Variants in AGMO observed in about 807,000 individuals in gnomAD.
AGMO encodes the protein alkylglycerol monooxygenase, also known as glyceryl-ether monooxygenase.
In AGMO, 75 loss-of-function variants were observed where a neutral mutation model predicts 60.2. The ratio of observed to expected loss-of-function variants is 1.25; its 90% confidence interval spans 1.03 to 1.51. The LOEUF is 1.51. Among genes scored for constraint, AGMO ranks in the 40% most tolerant of loss-of-function variants. The probability of loss-of-function intolerance (pLI) is 0.00; values close to 1 mark genes in which losing one functional copy is unlikely to be tolerated. For synonymous variants in AGMO, 261 were observed against 177.1 expected, an observed-to-expected ratio of 1.47 and a Z score of -3.76; for missense variants, 763 against 525.5, an observed-to-expected ratio of 1.45 and a Z score of -4.42.
intron 12 of AGMO, among the ~76,000 whole-genome samples, chr7:15,255,097 C>A (rs968502890): frequency 3.3e-5 from 5 of 152,156 alleles, no homozygotes; most frequent in African/African-American, 1.2e-4. Flanking sequence ...TCTCAGCAAA[C>A]TATCACAAGA....
chr7:15,511,870 G>A (rs1783682520), intron 3 of AGMO, among the ~76,000 whole-genome samples: 1 of 152,020 alleles, frequency 6.6e-6, no homozygotes, highest in Admixed American at 6.5e-5. Context: ...CCACATAAAG[G>A]CAGACAGAGA....
intron 10 of AGMO, among the ~76,000 whole-genome samples, chr7:15,370,645 CGTT>C (rs986975341): frequency 4.6e-5 from 7 of 152,072 alleles, no homozygotes; most frequent in South Asian, 4.2e-4. Context: ...TGATTAGTGA[CGTT>C]GATAATTTTT....
intron 3 of AGMO, among the ~76,000 whole-genome samples, chr7:15,517,691 G>T (rs986181321): frequency 6.6e-6 from 1 of 152,084 alleles, no homozygotes; most frequent in Non-Finnish European, 1.5e-5. Flanking sequence ...ATTTCCTTGG[G>T]TGCCTACACT....
At chr7:15,189,328 G>GTT in the AGMO span, among the ~76,000 whole-genome samples, 4 of 149,700 alleles carry the variant, frequency 2.7e-5, no homozygotes, top group Admixed American at 2.7e-4. Flanking sequence ...CTGATTTTAA[G>GTT]TTTTTTTTTT....
chr7:15,437,455 A>G (rs1232249904), intron 3 of AGMO, among the ~76,000 whole-genome samples: 2 of 151,604 alleles, frequency 1.3e-5, no homozygotes, highest in Admixed American at 6.6e-5. Flanking sequence ...TGTTCCACAC[A>G]TTTTGTATAT....
chr7:15,454,964 C>T (rs776772749), intron 3 of AGMO, among the ~76,000 whole-genome samples: 7 of 151,992 alleles, frequency 4.6e-5, no homozygotes, highest in South Asian at 2.1e-4. Flanking sequence ...TGTTGTTAAA[C>T]GGCATTCTTC....
At chr7:15,444,956 T>C (rs771446160) in intron 3 of AGMO, among the ~76,000 whole-genome samples, 1 of 152,198 alleles carries the variant, frequency 6.6e-6, no homozygotes, top group Non-Finnish European at 1.5e-5. Context: ...AGCTGACATC[T>C]AGGGAGGACT....
At chr7:15,361,784 T>C (rs921346722) in intron 12 of AGMO, among the ~76,000 whole-genome samples, 1 of 152,066 alleles carries the variant, frequency 6.6e-6, no homozygotes, top group Non-Finnish European at 1.5e-5. Context: ...ACTATAAATT[T>C]GATAGGCACA....
chr7:15,166,765 A>G, the AGMO span, among the ~76,000 whole-genome samples: 2 of 152,176 alleles, frequency 1.3e-5, no homozygotes, highest in Non-Finnish European at 2.9e-5. Flanking sequence ...TTCCTAATGA[A>G]TTCAGTGTGG....
intron 3 of AGMO, among the ~76,000 whole-genome samples, chr7:15,512,454 T>C (rs1783700610): frequency 6.6e-6 from 1 of 152,132 alleles, no homozygotes; most frequent in Non-Finnish European, 1.5e-5. Flanking sequence ...GGTTTCATCC[T>C]GTTGCCCAGG....
chr7:15,299,091 G>C (rs761349913), intron 12 of AGMO, among the ~76,000 whole-genome samples: 2 of 152,088 alleles, frequency 1.3e-5, no homozygotes, highest in Non-Finnish European at 2.9e-5. Context: ...CACCCCAGTA[G>C]TTGGATTCTT....
the AGMO span, among the ~76,000 whole-genome samples, chr7:15,184,354 G>A: frequency 8.3e-5 from 2 of 24,082 alleles, no homozygotes; most frequent in Admixed American, 5.5e-4. Flanking sequence ...AAGAAGGGAG[G>A]GAGGGAAGGA....
At chr7:15,121,019 G>A in the AGMO span, among the ~76,000 whole-genome samples, 2 of 152,062 alleles carry the variant, frequency 1.3e-5, no homozygotes, top group East Asian at 3.9e-4. Flanking sequence ...TCCCCTCCCT[G>A]AGTCCATGTG....
At chr7:15,124,772 G>T in the AGMO span, among the ~76,000 whole-genome samples, 3 of 152,026 alleles carry the variant, frequency 2.0e-5, no homozygotes, top group Admixed American at 1.3e-4. Flanking sequence ...AGGATGTTAT[G>T]CAAATGCTAG....
intron 12 of AGMO, among the ~76,000 whole-genome samples, chr7:15,248,531 T>C (rs1166075330): frequency 6.6e-6 from 1 of 152,072 alleles, no homozygotes; most frequent in Non-Finnish European, 1.5e-5. Context: ...GGGCAAGTGG[T>C]GACTTATGAG....
intron 12 of AGMO, among the ~76,000 whole-genome samples, chr7:15,304,734 T>C (rs764469647): frequency 3.3e-5 from 5 of 152,062 alleles, no homozygotes; most frequent in Non-Finnish European, 4.4e-5. Flanking sequence ...GTTGTCTGCA[T>C]GAATGGAGAT....
At chr7:15,485,943 A>T (rs947612667) in intron 3 of AGMO, among the ~76,000 whole-genome samples, 2 of 152,076 alleles carry the variant, frequency 1.3e-5, no homozygotes, top group African/African-American at 4.8e-5. Context: ...GGTCTCATTC[A>T]AGTGAAGTTC....
At position 15,454,218 on chromosome 7, in the gene AGMO, G is replaced by A. The variant is rs151233176; in HGVS notation, c.410-23110C>T. Among the ~76,000 whole-genome samples the A allele has an allele frequency of 4.4e-3, 674 of 152,082 alleles. 5 individuals carry two copies. The highest frequency in any genetic ancestry group is 5.7e-3 in the Non-Finnish European group (388 of 67,992). On this transcript the variant is annotated intron_variant, in intron 3 of 12. Transcript: ENST00000342526. Reference sequence around the variant, plus strand: ...AAAAAAGAAACACACACTAACTTAAGTTCCAGAGGTCTAACATACAAGTGT... The same window carrying A: ...AAAAAAGAAACACACACTAACTTAAATTCCAGAGGTCTAACATACAAGTGT...
chr7:15,429,728 G>C (rs1781174169), intron 4 of AGMO, among the ~76,000 whole-genome samples: 1 of 151,886 alleles, frequency 6.6e-6, no homozygotes, highest in South Asian at 2.1e-4. Flanking sequence ...GATTTGTTTT[G>C]CCTATGCTGC....
Sources: allele counts gnomAD v4.1 joint callset (sites outside exome capture counted in the v4.1 genomes callset), GRCh38; gene constraint gnomAD v4.1.1; transcripts MANE v1.5; gene names NCBI Gene and HGNC (gene_info 2026-07-23, HGNC 2026-07-21).